The following BMPR2 variants were observed in gnomAD, a reference collection of about 807,000 sequenced individuals.
BMPR2 encodes bone morphogenetic protein receptor type-2.
A neutral mutation model predicts 100.8 loss-of-function variants in BMPR2; 29 were observed. The observed-to-expected ratio is 0.29, with a 90% CI of 0.21 to 0.39. The LOEUF (loss-of-function observed/expected upper bound fraction) is 0.39. Ranked by LOEUF, BMPR2 falls within the 10% of genes least tolerant of loss-of-function variation. BMPR2 has a pLI of 1.00. For missense variants in BMPR2, 1,011 were observed against 1,274.5 expected (o/e 0.79, Z 3.15); for synonymous variants, 382 against 442.3 (o/e 0.86, Z 1.71).
In BMPR2 at chr2:202,424,839, C is replaced by T. The variant is rs1310794557; in HGVS notation, c.77-39970C>T. On this transcript the variant is annotated intron_variant, in intron 1 of 12. Transcript: ENST00000374580. The stretch of plus-strand genomic sequence containing the variant: ...CAATGTCTTTACAAGGTTGGCATCT[C>T]AAAATACCATTATAAGACCTAGTTT... Among the ~76,000 whole-genome samples the T allele has an allele frequency of 4.6e-5, 7 of 152,142 alleles. No individual in the cohort carries two copies. In the East Asian group the frequency reaches 1.3e-3, roughly 29 times the overall value.
Position 202,566,701 on chromosome 2 carries a change from C to G in BMPR2, c.*6755C>G, listed in dbSNP as rs1388268933. The G allele has an allele frequency of 3.9e-5, 6 of 152,226 alleles. No individual in the cohort carries two copies. Among genetic ancestry groups the G allele is most frequent in the African/African-American group, 1.4e-4 (6 of 41,558 alleles). 9.4% of individuals were successfully genotyped at this position (152,226 alleles called of 1,614,324 possible). A position where few individuals can be genotyped will look rare whatever the true frequency, so the allele number is the denominator to read the frequency against. On this transcript the variant is annotated 3_prime_UTR_variant, in exon 13 of 13. Coordinates refer to ENST00000374580, the MANE Select transcript of BMPR2 (RefSeq NM_001204.7). ...CGTTATAAAGCCTTCTAAAAGTGAACTAAATATTTTATAACTTTAGTAATA... is the reference window on the plus strand; with the variant it reads ...CGTTATAAAGCCTTCTAAAAGTGAAGTAAATATTTTATAACTTTAGTAATA...
chr2:202,542,211 C>T lies in BMPR2; in HGVS notation c.1277-100C>T, dbSNP rs577030293. On this transcript the variant is annotated intron_variant, in intron 9 of 12. Coordinates refer to ENST00000374580, the MANE Select transcript of BMPR2 (RefSeq NM_001204.7). The stretch of plus-strand genomic sequence containing the variant: ...ATGAAAAAATAAAAAGATTGTGACA[C>T]AATTTTTTTTGCTTACTTGGTATCA... The T allele has an allele frequency of 2.9e-5, 41 of 1,393,858 alleles. No homozygotes were observed. The Admixed American group carries it at 3.7e-4, about 12-fold the overall frequency. The allele number at this position is 1,393,858 out of a possible 1,614,324, so 86.3% of individuals were successfully genotyped here.
rs115353364 is a variant in BMPR2, at chr2:202,438,766, C to T, written c.77-26043C>T. Among the ~76,000 whole-genome samples, 78 of 150,668 alleles carry T rather than the reference C, an allele frequency of 5.2e-4. 7 individuals carry two copies. Among genetic ancestry groups the T allele is most frequent in the African/African-American group, 1.6e-3 (65 of 40,014 alleles). ...TTGGCACCCTTGTCAAAAATCAGTT[C>T]ACCATATATATAAGGGTTTATCTCT... On this transcript the variant is annotated intron_variant, in intron 1 of 12. Transcript: ENST00000374580.
chr2:202,491,417 CT>C (rs1692899641), intron 3 of BMPR2, among the ~76,000 whole-genome samples: 7 of 151,906 alleles, frequency 4.6e-5, no homozygotes, highest in East Asian at 1.9e-4. Flanking sequence ...AAGTACGTCT[CT>C]TTTTTTATTT....
chr2:202,527,729 G>C (rs928564835), intron 7 of BMPR2, among the ~76,000 whole-genome samples: 5 of 151,982 alleles, frequency 3.3e-5, no homozygotes, highest in Admixed American at 1.3e-4. Flanking sequence ...GGAGCTTGCA[G>C]TGAGCCGACA....
intron 9 of BMPR2, among the ~76,000 whole-genome samples, chr2:202,535,550 C>G (rs545441673): frequency 2.6e-5 from 4 of 151,576 alleles, no homozygotes; most frequent in Admixed American, 1.3e-4. Flanking sequence ...AGGTGCTCCT[C>G]ACTTCCTAGA....
In BMPR2 at chr2:202,559,262, A is replaced by G. The variant is rs971531387; in HGVS notation, c.2867-434A>G. Among the ~76,000 whole-genome samples the G allele has an allele frequency of 8.6e-5, 13 of 151,822 alleles. No homozygotes were observed. The East Asian group carries it at 2.5e-3, about 29-fold the overall frequency. On this transcript the variant is annotated intron_variant, in intron 12 of 12. Transcript: ENST00000374580. Reference sequence around the variant, plus strand: ...GGTTGCAGTGAGTCAAGATCATGCCACTGCACTCCAGCCTGGGCTACAGAG... The same window carrying G: ...GGTTGCAGTGAGTCAAGATCATGCCGCTGCACTCCAGCCTGGGCTACAGAG...
At chr2:202,421,690 A>G (rs149719186) in intron 1 of BMPR2, among the ~76,000 whole-genome samples, 2 of 151,226 alleles carry the variant, frequency 1.3e-5, no homozygotes, top group Non-Finnish European at 2.9e-5. Flanking sequence ...ATGGAACTAG[A>G]CTTTAACTGT....
intron 3 of BMPR2, among the ~76,000 whole-genome samples, chr2:202,513,121 T>C (rs1327884726): frequency 6.6e-6 from 1 of 151,978 alleles, no homozygotes; most frequent in African/African-American, 2.4e-5. Flanking sequence ...CATGCCACCA[T>C]GCCTGACTAA....
intron 1 of BMPR2, among the ~76,000 whole-genome samples, chr2:202,379,664 T>C (rs1262178861): frequency 6.6e-6 from 1 of 152,168 alleles, no homozygotes; most frequent in African/African-American, 2.4e-5. Context: ...GGATTTGGGT[T>C]ACACAGATGC....
intron 1 of BMPR2, among the ~76,000 whole-genome samples, chr2:202,428,224 CAT>C (rs777340672): frequency 2.8e-4 from 42 of 152,240 alleles, no homozygotes; most frequent in South Asian, 8.3e-4. Context: ...CGTGCACACA[CAT>C]GTGTGCACAT....
intron 3 of BMPR2, among the ~76,000 whole-genome samples, chr2:202,502,462 T>A (rs374731269): frequency 1.3e-5 from 2 of 151,330 alleles, no homozygotes; most frequent in African/African-American, 4.9e-5. Flanking sequence ...AAAGAAGAAG[T>A]TGAAGAGAAA....
At position 202,503,441 on chromosome 2, in the gene BMPR2, C is replaced by T. The variant is rs879233253; in HGVS notation, c.419-10278C>T. Among the ~76,000 whole-genome samples, 3 of 152,256 alleles carry T rather than the reference C, an allele frequency of 2.0e-5. No individual in the cohort carries two copies. Among genetic ancestry groups the T allele is most frequent in the African/African-American group, 7.2e-5 (3 of 41,464 alleles). ...CGCGCTTGCGGGCCAGCCGGAGTTC[C>T]GGTTGGGCATGGGCTTGGCGGGCCC... On this transcript the variant is annotated intron_variant, in intron 3 of 12. Coordinates refer to ENST00000374580, the MANE Select transcript of BMPR2 (RefSeq NM_001204.7). The surrounding 1 kb of genome is among the most constrained non-coding windows in gnomAD (Gnocchi z 4.0).
intron 1 of BMPR2, among the ~76,000 whole-genome samples, chr2:202,418,296 G>A (rs1219720531): frequency 2.6e-5 from 4 of 152,150 alleles, no homozygotes; most frequent in African/African-American, 4.8e-5. Flanking sequence ...CTCAGGGTCT[G>A]GTTCCAAAGT....
chr2:202,490,285 TAAAG>T, intron 3 of BMPR2, among the ~76,000 whole-genome samples: 1 of 152,150 alleles, frequency 6.6e-6, no homozygotes, highest in South Asian at 2.1e-4. Flanking sequence ...TTTTAGGAAG[TAAAG>T]AGAGTTACCT....
chr2:202,527,202 C>T, intron 7 of BMPR2, among the ~76,000 whole-genome samples: 1 of 152,118 alleles, frequency 6.6e-6, no homozygotes, highest in Non-Finnish European at 1.5e-5. Flanking sequence ...AAAAAATATT[C>T]CCTGGCCAAA....
intron 9 of BMPR2, among the ~76,000 whole-genome samples, chr2:202,537,975 A>C (rs2106026936): frequency 6.6e-6 from 1 of 152,184 alleles, no homozygotes; most frequent in African/African-American, 2.4e-5. Flanking sequence ...TACAAAAATT[A>C]GACAGGTGCA....
rs1688698827 is a variant in BMPR2, at chr2:202,562,875, A to G, written c.*2929A>G. The stretch of plus-strand genomic sequence containing the variant: ...CACTGTTACCAGTGTAGGAAGTTAC[A>G]AGAAGGCACATACTGAATGCTGAAG... On this transcript the variant is annotated 3_prime_UTR_variant, in exon 13 of 13. Transcript: ENST00000374580. 1.3e-5 allele frequency: 2 copies of G among 152,144 alleles called. No individual in the cohort carries two copies. The highest frequency in any genetic ancestry group is 4.8e-5 in the African/African-American group (2 of 41,446). 9.4% of individuals were successfully genotyped at this position (152,144 alleles called of 1,614,324 possible). A position where few individuals can be genotyped will look rare whatever the true frequency, so the allele number is the denominator to read the frequency against.
chr2:202,485,027 C>CT (rs1679722388), intron 3 of BMPR2, among the ~76,000 whole-genome samples: 1 of 150,840 alleles, frequency 6.6e-6, no homozygotes. Context: ...AGGTCTCACT[C>CT]TTTCACCCAG....
Sources: gnomAD v4.1 joint callset for allele counts (sites outside exome capture counted in the v4.1 genomes callset) on GRCh38, gnomAD v4.1.1 for gene constraint, Gnocchi (gnomAD v3.1) non-coding constraint, MANE v1.5 for transcripts, NCBI Gene and HGNC (gene_info 2026-07-23, HGNC 2026-07-21) for gene names.